CDH13: variants seen among roughly 807,000 people sequenced by gnomAD.
The protein encoded by CDH13 is cadherin 13.
In CDH13, 24 loss-of-function variants were observed where a neutral mutation model predicts 63.8. The ratio of observed to expected loss-of-function variants is 0.38; its 90% CI spans 0.27 to 0.53. The LOEUF (loss-of-function observed/expected upper bound fraction) is 0.53. CDH13 is among the 20% of genes least tolerant of loss of function. The pLI is 0.85. For synonymous variants in CDH13, 503 were observed against 355.3 expected (o/e 1.42, Z -4.67); for missense variants, 1,049 against 903.1 (o/e 1.16, Z -2.07).
chr16:83,766,769 C>A (rs910682048), intron 11 of CDH13, among the ~76,000 whole-genome samples: 1 of 152,090 alleles, frequency 6.6e-6, no homozygotes, highest in Non-Finnish European at 1.5e-5. Context: ...TTGTAATCCC[C>A]ACATGTCAAG....
intron 1 of CDH13, among the ~76,000 whole-genome samples, chr16:82,809,866 T>A (rs1319373692): frequency 6.6e-6 from 1 of 152,072 alleles, no homozygotes; most frequent in Non-Finnish European, 1.5e-5. Flanking sequence ...ATTAGAACAA[T>A]TTACAGCCTT....
At chr16:82,820,396 C>T (rs2037947163) in intron 1 of CDH13, among the ~76,000 whole-genome samples, 1 of 152,170 alleles carries the variant, frequency 6.6e-6, no homozygotes, top group African/African-American at 2.4e-5. Flanking sequence ...TTAATCCTTA[C>T]AACCCTTTGG....
At chr16:82,840,850 T>A (rs2038981397) in intron 1 of CDH13, among the ~76,000 whole-genome samples, 1 of 152,136 alleles carries the variant, frequency 6.6e-6, no homozygotes, top group African/African-American at 2.4e-5. Context: ...CTGCAGCTGT[T>A]CAAGGAAGAC....
At chr16:83,164,593 G>A (rs192752464) in intron 4 of CDH13, among the ~76,000 whole-genome samples, 3 of 151,802 alleles carry the variant, frequency 2.0e-5, no homozygotes, top group Admixed American at 1.3e-4. Flanking sequence ...TGGTGGGGGC[G>A]CCTGCAATCC....
intron 1 of CDH13, among the ~76,000 whole-genome samples, chr16:82,856,577 C>T (rs1228017767): frequency 1.3e-5 from 2 of 148,696 alleles, no homozygotes; most frequent in Non-Finnish European, 3.0e-5. Context: ...TGACGAGTGC[C>T]TGTAGTCTCA....
chr16:82,982,910 C>T (rs1910470278), intron 2 of CDH13, among the ~76,000 whole-genome samples: 2 of 152,162 alleles, frequency 1.3e-5, no homozygotes, highest in Middle Eastern at 3.4e-3. Context: ...CCCCATGAAC[C>T]GGAGTGAAAG....
chr16:83,468,826 C>A (rs9933448), intron 6 of CDH13, among the ~76,000 whole-genome samples: 3,855 of 152,230 alleles, frequency 0.025, 165 homozygotes, highest in African/African-American at 0.087. Context: ...CATAGGTAAA[C>A]GTGTGCCATG....
At chr16:83,743,379 A>G (rs925979873) in intron 10 of CDH13, among the ~76,000 whole-genome samples, 1 of 152,192 alleles carries the variant, frequency 6.6e-6, no homozygotes, top group African/African-American at 2.4e-5. Flanking sequence ...TGGCGCAGGC[A>G]GGCCTAACCG....
Position 82,686,854 on chromosome 16 carries a change from G to C in CDH13, c.45+59717G>C, listed in dbSNP as rs115619764. On this transcript the variant is annotated intron_variant, in intron 1 of 13. Coordinates refer to ENST00000567109, the MANE Select transcript of CDH13 (RefSeq NM_001257.5). ...ACCCCCACCATGTGGAACAACACAGGGAACACGACTTCTTACTCAAGCTAC... is the reference window on the plus strand; with the variant it reads ...ACCCCCACCATGTGGAACAACACAGCGAACACGACTTCTTACTCAAGCTAC... Among the ~76,000 whole-genome samples, 790 of 152,228 alleles carry C rather than the reference G, an allele frequency of 5.2e-3. 7 individuals are homozygous for C. The highest frequency in any genetic ancestry group is 0.017 in the African/African-American group (690 of 41,532).
At chr16:82,844,026 C>G (rs1042317278) in intron 1 of CDH13, among the ~76,000 whole-genome samples, 1 of 152,160 alleles carries the variant, frequency 6.6e-6, no homozygotes, top group Non-Finnish European at 1.5e-5. Context: ...GTAAGCTTCT[C>G]ATGGGCTGTG....
chr16:83,306,055 T>A (rs1384345717), intron 5 of CDH13, among the ~76,000 whole-genome samples: 1 of 152,146 alleles, frequency 6.6e-6, no homozygotes, highest in Admixed American at 6.5e-5. Context: ...CTGCACCCCC[T>A]AGATGGGTGT....
chr16:83,041,128 A>G (rs183609440), intron 3 of CDH13, among the ~76,000 whole-genome samples: 1 of 152,208 alleles, frequency 6.6e-6, no homozygotes, highest in African/African-American at 2.4e-5. Context: ...ACCCTTCTTA[A>G]CTGGAAGTCA....
At chr16:83,448,225 G>T (rs1252147569) in intron 6 of CDH13, among the ~76,000 whole-genome samples, 1 of 152,004 alleles carries the variant, frequency 6.6e-6, no homozygotes, top group African/African-American at 2.4e-5. Context: ...CAGGAAATGT[G>T]GTATCACTGA....
intron 4 of CDH13, among the ~76,000 whole-genome samples, chr16:83,163,470 A>G (rs7188275): frequency 0.22 from 33,308 of 152,040 alleles, 5,074 homozygotes; most frequent in African/African-American, 0.43. Flanking sequence ...GCTCCAGGCC[A>G]GACGCTCATC....
intron 1 of CDH13, among the ~76,000 whole-genome samples, chr16:82,651,104 T>C (rs1353006481): frequency 6.6e-6 from 1 of 152,194 alleles, no homozygotes; most frequent in Non-Finnish European, 1.5e-5. Flanking sequence ...AAGTTGTCCC[T>C]CCTGGGATAG....
chr16:83,154,877 T>C (rs1348841693), intron 4 of CDH13, among the ~76,000 whole-genome samples: 15 of 152,248 alleles, frequency 9.9e-5, no homozygotes, highest in Non-Finnish European at 2.1e-4. Context: ...CAAAAATCTT[T>C]AAAAGCTCTC....
At chr16:82,893,870 C>A (rs2041163055) in intron 2 of CDH13, among the ~76,000 whole-genome samples, 1 of 152,210 alleles carries the variant, frequency 6.6e-6, no homozygotes, top group Non-Finnish European at 1.5e-5. Flanking sequence ...GAACCTCCTT[C>A]CTTCCACTGG....
At chr16:83,780,232 C>A in intron 12 of CDH13, 31 bp downstream of exon 12, 1 of 1,389,870 alleles carries the variant, frequency 7.2e-7, no homozygotes, top group South Asian at 1.2e-5. Flanking sequence ...TCTGCCTATT[C>A]TTCCAGCTTT....
intron 2 of CDH13, among the ~76,000 whole-genome samples, chr16:82,971,373 C>T (rs1176658597): frequency 2.6e-5 from 4 of 152,200 alleles, no homozygotes; most frequent in Non-Finnish European, 5.9e-5. Flanking sequence ...ACATCAACCC[C>T]GCACACTTGA....
Sources: gnomAD v4.1 joint callset for allele counts (sites outside exome capture counted in the v4.1 genomes callset) on GRCh38, gnomAD v4.1.1 for gene constraint, MANE v1.5 for transcripts, NCBI Gene and HGNC (gene_info 2026-07-23, HGNC 2026-07-21) for gene names.